The following WDFY2 variants were observed in gnomAD, a reference collection of about 807,000 sequenced individuals.
WDFY2 encodes WD repeat and FYVE domain-containing protein 2.
Under a neutral mutation model 56.4 loss-of-function variants are expected in WDFY2, and 36 were observed. The observed-to-expected ratio is 0.64, with a 90% CI of 0.49 to 0.84. WDFY2 has a LOEUF of 0.84. Among genes scored for constraint, WDFY2 ranks in the 40% least tolerant of loss-of-function variants. The pLI, the probability that WDFY2 is intolerant of heterozygous loss-of-function variation, is 0.00. For missense variants in WDFY2, 444 were observed against 512.2 expected, an observed-to-expected ratio of 0.87 and a Z score of 1.29; for synonymous variants, 176 against 183.7, an observed-to-expected ratio of 0.96 and a Z score of 0.34.
chr13:51,632,443 A>G (rs541445075), intron 1 of WDFY2, among the ~76,000 whole-genome samples: 102 of 151,766 alleles, frequency 6.7e-4, no homozygotes, highest in Non-Finnish European at 1.3e-3. Context: ...ATCTTCTACC[A>G]TTCAGGTGCT....
In WDFY2 at chr13:51,693,490, G is replaced by T. The variant is rs974446455; in HGVS notation, c.280-10106G>T. Among the ~76,000 whole-genome samples the T allele has an allele frequency of 8.7e-3, 1,321 of 152,202 alleles. 21 individuals carry two copies. The highest frequency in any genetic ancestry group is 0.03 in the African/African-American group (1,260 of 41,520). Reference sequence around the variant, plus strand: ...TGTTCAGTTTCCATGTAGTTGAGCCGTTTTGAGTGAGTTTCTTAATCCTGA... The same window carrying T: ...TGTTCAGTTTCCATGTAGTTGAGCCTTTTTGAGTGAGTTTCTTAATCCTGA... On this transcript the variant is annotated intron_variant, in intron 3 of 11. Transcript: ENST00000298125.
At chr13:51,626,107 A>G (rs540772679) in intron 1 of WDFY2, among the ~76,000 whole-genome samples, 33 of 152,116 alleles carry the variant, frequency 2.2e-4, no homozygotes, top group Non-Finnish European at 4.7e-4. Context: ...TTCACATTTC[A>G]CTTGAAATCC....
intron 7 of WDFY2, among the ~76,000 whole-genome samples, chr13:51,742,412 C>T (rs1457365985): frequency 1.3e-5 from 2 of 151,660 alleles, no homozygotes; most frequent in East Asian, 3.9e-4. Context: ...TGATTGTATG[C>T]TGTGCTAGCT....
chr13:51,660,766 A>G lies in WDFY2; in HGVS notation c.205+103A>G, dbSNP rs1441964525. 1.9e-5 allele frequency: 19 copies of G among 977,866 alleles called. No individual in the cohort carries two copies. The East Asian group carries it at 4.0e-4, about 21-fold the overall frequency. 60.6% of individuals were successfully genotyped at this position (977,866 alleles called of 1,614,324 possible). A position where few individuals can be genotyped will look rare whatever the true frequency, so the allele number is the denominator to read the frequency against. On this transcript the variant is annotated intron_variant, in intron 2 of 11. Coordinates refer to ENST00000298125, the MANE Select transcript of WDFY2 (RefSeq NM_052950.4). ...AGAGAAGACTGAGGTTGGGATTCTC[A>G]TTATAATGAAAAGTACCATATTAAA...
At chr13:51,751,276 C>T in intron 7 of WDFY2, 34 bp from the exon 8 acceptor site, 2 of 1,604,360 alleles carry the variant, frequency 1.2e-6, no homozygotes, top group African/African-American at 1.3e-5. Flanking sequence ...ATTTGTTCTC[C>T]TAAACTGTCA....
chr13:51,597,454 G>A (rs1440890042), intron 1 of WDFY2, among the ~76,000 whole-genome samples: 1 of 152,218 alleles, frequency 6.6e-6, no homozygotes, highest in East Asian at 1.9e-4. Flanking sequence ...CATTGCACAA[G>A]TAAGTTTGTC....
At chr13:51,691,742 T>C (rs1956163375) in intron 3 of WDFY2, among the ~76,000 whole-genome samples, 1 of 152,028 alleles carries the variant, frequency 6.6e-6, no homozygotes, top group Non-Finnish European at 1.5e-5. Flanking sequence ...AGAAAGTCAT[T>C]GGTAGCTTGA....
At chr13:51,627,356 C>T (rs1025325571) in intron 1 of WDFY2, among the ~76,000 whole-genome samples, 10 of 151,974 alleles carry the variant, frequency 6.6e-5, no homozygotes, top group South Asian at 2.1e-4. Context: ...CTCCATTTGA[C>T]GGGTCCGTAG....
In WDFY2 at chr13:51,690,680, G is replaced by A. The variant is rs371860312; in HGVS notation, c.280-12916G>A. 4.8e-4 allele frequency among the ~76,000 whole-genome samples: 73 copies of A among 152,220 alleles called. No homozygotes were observed. The East Asian group carries it at 0.011, about 23-fold the overall frequency. On this transcript the variant is annotated intron_variant, in intron 3 of 11. Coordinates refer to ENST00000298125, the MANE Select transcript of WDFY2 (RefSeq NM_052950.4). ...TACGTGTGCATGTGTCTTTATAGCA[G>A]CATGATTTATAGTCCTTTGGGTATA...
chr13:51,647,885 A>G (rs1305744682), intron 1 of WDFY2, among the ~76,000 whole-genome samples: 1 of 152,112 alleles, frequency 6.6e-6, no homozygotes, highest in African/African-American at 2.4e-5. Flanking sequence ...ACACACACAC[A>G]CGAGTCAGTT....
At chr13:51,680,765 C>T (rs921138686) in intron 3 of WDFY2, among the ~76,000 whole-genome samples, 3 of 152,174 alleles carry the variant, frequency 2.0e-5, no homozygotes, top group African/African-American at 7.2e-5. Context: ...ATGCCACTCT[C>T]CTCTAGACTA....
At chr13:51,726,142 T>C (rs1449283686) in intron 5 of WDFY2, among the ~76,000 whole-genome samples, 1 of 152,218 alleles carries the variant, frequency 6.6e-6, no homozygotes, top group Non-Finnish European at 1.5e-5. Context: ...TACATGCACA[T>C]GCACACACAT....
chr13:51,584,622 G>T lies in WDFY2; in HGVS notation c.-66G>T. 6.5e-7 allele frequency: 1 copy of T among 1,545,148 alleles called. No individual in the cohort carries two copies. On this transcript the variant is annotated 5_prime_UTR_variant, in exon 1 of 12. Coordinates refer to ENST00000298125, the MANE Select transcript of WDFY2 (RefSeq NM_052950.4). The stretch of plus-strand genomic sequence containing the variant: ...TGTCTCAACCTGTGTCCGTGCTCCA[G>T]CAGTCTCCTCAGCCCGGCCCCGCGG...
chr13:51,670,379 C>G (rs1181271913), intron 2 of WDFY2, among the ~76,000 whole-genome samples: 1 of 152,064 alleles, frequency 6.6e-6, no homozygotes, highest in East Asian at 1.9e-4. Context: ...TGAATCGGCT[C>G]TCTGCTTCTT....
intron 5 of WDFY2, among the ~76,000 whole-genome samples, chr13:51,720,632 G>T (rs780069973): frequency 1.3e-5 from 2 of 152,082 alleles, no homozygotes; most frequent in African/African-American, 2.4e-5. Context: ...TTATCCATTC[G>T]GGCTGCTATA....
At chr13:51,651,805 G>A (rs976411411) in intron 1 of WDFY2, among the ~76,000 whole-genome samples, 11 of 152,120 alleles carry the variant, frequency 7.2e-5, no homozygotes, top group Non-Finnish European at 1.6e-4. Context: ...TTGCTGAGGA[G>A]TGCTTTACTT....
At chr13:51,657,109 A>G (rs1386812034) in intron 1 of WDFY2, among the ~76,000 whole-genome samples, 3 of 151,458 alleles carry the variant, frequency 2.0e-5, no homozygotes, top group Non-Finnish European at 4.4e-5. Context: ...TACCATTTTG[A>G]TTCCCTTATT....
chr13:51,641,071 T>C (rs562268019), intron 1 of WDFY2, among the ~76,000 whole-genome samples: 154 of 152,110 alleles, frequency 1.0e-3, no homozygotes, highest in Admixed American at 1.7e-3. Flanking sequence ...TCATGGAGCA[T>C]TTATTTATTT....
At chr13:51,705,171 T>G (rs879482072) in intron 4 of WDFY2, among the ~76,000 whole-genome samples, 3 of 152,134 alleles carry the variant, frequency 2.0e-5, no homozygotes, top group African/African-American at 2.4e-5. Flanking sequence ...ACACCCTAGT[T>G]TAATAGCCCA....
Sources: allele counts gnomAD v4.1 joint callset (sites outside exome capture counted in the v4.1 genomes callset), GRCh38; gene constraint gnomAD v4.1.1; transcripts MANE v1.5; gene names NCBI Gene and HGNC (gene_info 2026-07-23, HGNC 2026-07-21).